GPD2: variants seen among roughly 807,000 people sequenced by gnomAD.
GPD2 encodes the protein glycerol-3-phosphate dehydrogenase, mitochondrial.
Under a neutral mutation model 82.4 loss-of-function variants are expected in GPD2, and 54 were observed. That is an observed-to-expected ratio of 0.66 (90% CI 0.53 to 0.82). The LOEUF (loss-of-function observed/expected upper bound fraction) is 0.82, where lower values mean the gene tolerates loss of function less well. Among genes scored for constraint, GPD2 ranks in the 40% least tolerant of loss-of-function variants. The pLI is 0.00. For synonymous variants in GPD2, 288 were observed against 306.1 expected (o/e 0.94, Z 0.62); for missense variants, 748 against 896.2 (o/e 0.83, Z 2.11).
intron 6 of GPD2, among the ~76,000 whole-genome samples, chr2:156,527,334 C>T (rs1685649228): frequency 6.6e-6 from 1 of 151,332 alleles, no homozygotes; most frequent in South Asian, 2.1e-4. Context: ...ATTATATTCT[C>T]TGGAGCCAAA....
chr2:156,571,003 T>G (rs966501026), intron 12 of GPD2, 131 bp from the exon 13 acceptor site: 1 of 718,846 alleles, frequency 1.4e-6, no homozygotes, highest in African/African-American at 1.8e-5. Flanking sequence ...TCATGCCTGC[T>G]GGAGGACCAG....
At chr2:156,533,231 T>C (rs1195323146) in intron 6 of GPD2, among the ~76,000 whole-genome samples, 1 of 152,212 alleles carries the variant, frequency 6.6e-6, no homozygotes, top group Non-Finnish European at 1.5e-5. Context: ...AGCACTTAGC[T>C]AGATTGTGGT....
chr2:156,506,214 A>G (rs1391423588), intron 3 of GPD2, among the ~76,000 whole-genome samples: 1 of 152,328 alleles, frequency 6.6e-6, no homozygotes, highest in South Asian at 2.1e-4. Flanking sequence ...TAATACTTTT[A>G]TGTTACATGG....
At chr2:156,463,206 G>C (rs1683047216) in intron 1 of GPD2, among the ~76,000 whole-genome samples, 1 of 152,118 alleles carries the variant, frequency 6.6e-6, no homozygotes, top group Non-Finnish European at 1.5e-5. Flanking sequence ...TTGAATTCAT[G>C]GTTAATATTA....
chr2:156,514,450 A>G (rs1685123083), intron 6 of GPD2, among the ~76,000 whole-genome samples: 6 of 150,876 alleles, frequency 4.0e-5, no homozygotes. Flanking sequence ...CTAGTATTAG[A>G]TATCTAAACT....
chr2:156,522,295 G>A (rs1685438601), intron 6 of GPD2, among the ~76,000 whole-genome samples: 1 of 152,070 alleles, frequency 6.6e-6, no homozygotes, highest in Non-Finnish European at 1.5e-5. Context: ...AAGTAGATTT[G>A]ATCAGGTATA....
At chr2:156,554,307 G>T (rs1186551717) in intron 8 of GPD2, among the ~76,000 whole-genome samples, 1 of 152,186 alleles carries the variant, frequency 6.6e-6, no homozygotes, top group Non-Finnish European at 1.5e-5. Flanking sequence ...AGCTTCTGGG[G>T]CTGCCCCACA....
chr2:156,451,598 C>T lies in GPD2; in HGVS notation c.-9+15085C>T, dbSNP rs1489890880. On this transcript the variant is annotated intron_variant, in intron 1 of 16. Coordinates refer to ENST00000438166, the MANE Select transcript of GPD2 (RefSeq NM_000408.5). ...CCCCCCACCTCCTTCCCGGACAGGG[C>T]GGCTGGCCCGGCAGAGGGGCTCCTC... Among the ~76,000 whole-genome samples, 19 of 138,246 alleles carry T rather than the reference C, an allele frequency of 1.4e-4. No homozygotes were observed. In the East Asian group the frequency reaches 3.0e-3, roughly 22 times the overall value. The allele number at this position is 138,246 out of a possible 152,430, so 90.7% of individuals were successfully genotyped here.
At chr2:156,431,276 C>T (rs180994288), upstream of GPD2, among the ~76,000 whole-genome samples, 1 of 152,272 alleles carries the variant, frequency 6.6e-6, no homozygotes, top group Non-Finnish European at 1.5e-5. Flanking sequence ...TCCCTGAGGT[C>T]TTGGTCTTCA....
At chr2:156,525,311 G>T (rs1306826209) in intron 6 of GPD2, among the ~76,000 whole-genome samples, 1 of 152,188 alleles carries the variant, frequency 6.6e-6, no homozygotes, top group Non-Finnish European at 1.5e-5. Context: ...CCTGTCAGTG[G>T]TCTATGATGA....
chr2:156,546,822 T>G (rs1686558974), intron 6 of GPD2, among the ~76,000 whole-genome samples: 1 of 152,226 alleles, frequency 6.6e-6, no homozygotes, highest in Non-Finnish European at 1.5e-5. Context: ...CATTTATGTC[T>G]CTGTCACATT....
chr2:156,463,211 A>C (rs1016493776), intron 1 of GPD2, among the ~76,000 whole-genome samples: 1 of 152,220 alleles, frequency 6.6e-6, no homozygotes, highest in Non-Finnish European at 1.5e-5. Context: ...TTCATGGTTA[A>C]TATTATTTAA....
At chr2:156,457,880 T>C (rs1233159338) in intron 1 of GPD2, among the ~76,000 whole-genome samples, 3 of 152,270 alleles carry the variant, frequency 2.0e-5, no homozygotes, top group Non-Finnish European at 4.4e-5. Flanking sequence ...TTTTATGCTT[T>C]ACTTATATTA....
At chr2:156,556,315 G>T (rs1344874632) in intron 8 of GPD2, among the ~76,000 whole-genome samples, 1 of 152,096 alleles carries the variant, frequency 6.6e-6, no homozygotes, top group Non-Finnish European at 1.5e-5. Flanking sequence ...AGTAACACTG[G>T]CTTGATACAA....
Position 156,549,508 on chromosome 2 carries a change from CAG to C in GPD2, c.662-99_662-98del, listed in dbSNP as rs779603193. On this transcript the variant is annotated intron_variant, in intron 6 of 16. Coordinates refer to ENST00000438166, the MANE Select transcript of GPD2 (RefSeq NM_000408.5). ...CAGCCATCATGCATATCCTGGGTGACAGGGACAGATGTGACATATCTGTTGTG... is the reference window on the plus strand; with the variant it reads ...CAGCCATCATGCATATCCTGGGTGACGGACAGATGTGACATATCTGTTGTG... 365 of 1,020,480 alleles carry C rather than the reference CAG, an allele frequency of 3.6e-4. 1 individual carries two copies. The highest frequency in any genetic ancestry group is 6.4e-4 in the Middle Eastern group (3 of 4,686). 63.2% of individuals were successfully genotyped at this position (1,020,480 alleles called of 1,614,324 possible). A position where few individuals can be genotyped will look rare whatever the true frequency, so the allele number is the denominator to read the frequency against.
intron 8 of GPD2, among the ~76,000 whole-genome samples, chr2:156,552,651 C>T (rs1350484519): frequency 3.3e-5 from 5 of 152,050 alleles, no homozygotes; most frequent in Admixed American, 3.3e-4. Flanking sequence ...CCCCACAGAC[C>T]TTATGTTAAT....
intron 1 of GPD2, among the ~76,000 whole-genome samples, chr2:156,472,172 T>C (rs1683352247): frequency 6.6e-6 from 1 of 152,068 alleles, no homozygotes; most frequent in Admixed American, 6.6e-5. Flanking sequence ...AGTAAAGCTG[T>C]TACTTAGAAG....
At chr2:156,451,928 G>A (rs1247768629) in intron 1 of GPD2, among the ~76,000 whole-genome samples, 2 of 151,668 alleles carry the variant, frequency 1.3e-5, no homozygotes, top group African/African-American at 2.4e-5. Flanking sequence ...GTCGCGGCCG[G>A]GCAGAGGCGC....
Position 156,513,479 on chromosome 2 carries a change from C to T in GPD2, c.644C>T (p.Ala215Val). The change falls in exon 6 of 17, where the codon GCA (alanine) becomes GTA (valine). Residue 215 changes from alanine to valine, a missense_variant. This residue lies in a region of GPD2 where 692 missense variants were observed against 809.7 expected (regional missense o/e 0.85). Transcript: ENST00000438166. Reference protein sequence around the residue: ...PMLQKDKLVGAIVYYDGQHND... With the variant: ...PMLQKDKLVGVIVYYDGQHND... ...CTCCAGAAGGACAAACTGGTAGGAG[C>T]AATTGTCTACTATGACGGTATGTGA... is the stretch of plus-strand genomic sequence containing the variant. 6.2e-7 allele frequency: 1 copy of T among 1,607,174 alleles called. No homozygotes were observed. Among genetic ancestry groups the T allele is most frequent in the Non-Finnish European group, 8.5e-7 (1 of 1,174,768 alleles).
Sources: allele counts gnomAD v4.1 joint callset (sites outside exome capture counted in the v4.1 genomes callset), GRCh38; gene constraint gnomAD v4.1.1; regional missense constraint gnomAD v4.1.1; transcripts MANE v1.5; gene names NCBI Gene and HGNC (gene_info 2026-07-23, HGNC 2026-07-21).